The following DLGAP2 variants were observed in gnomAD, a reference collection of about 807,000 sequenced individuals.
DLGAP2 encodes the protein DLG associated protein 2.
Under a neutral mutation model 100.3 loss-of-function variants are expected in DLGAP2, and 26 were observed. The ratio of observed to expected loss-of-function variants is 0.26; its 90% CI spans 0.19 to 0.36. The LOEUF (loss-of-function observed/expected upper bound fraction) is 0.36, where lower values mean the gene tolerates loss of function less well. DLGAP2 is among the 10% of genes least tolerant of loss of function. The probability of loss-of-function intolerance (pLI) is 1.00; values close to 1 mark genes in which losing one functional copy is unlikely to be tolerated. For synonymous variants in DLGAP2, 886 were observed against 630.1 expected (o/e 1.41, Z -6.08); for missense variants, 1,858 against 1,453.2 (o/e 1.28, Z -4.53).
In DLGAP2 at chr8:808,126, A is replaced by G. The variant is rs572038361; in HGVS notation, c.18+70301A>G. On this transcript the variant is annotated intron_variant, in intron 1 of 14. Coordinates refer to ENST00000637795, the MANE Select transcript of DLGAP2 (RefSeq NM_001346810.2). ...ATGGCGGATGTGACACCTGCCTCAC[A>G]GGGTCGTCGGCACGTGGGTCTTCGG... Among the ~76,000 whole-genome samples, 39 of 152,316 alleles carry G rather than the reference A, an allele frequency of 2.6e-4. No individual in the cohort carries two copies. In the East Asian group the frequency reaches 7.4e-3, roughly 29 times the overall value.
At chr8:1,267,809 G>A (rs1799499232) in intron 3 of DLGAP2, among the ~76,000 whole-genome samples, 1 of 151,890 alleles carries the variant, frequency 6.6e-6, no homozygotes, top group Admixed American at 6.6e-5. Context: ...CCCACGCTGA[G>A]CTCAGTGCTG....
In DLGAP2 at chr8:1,372,172, C is replaced by T. The variant is rs181191075; in HGVS notation, c.106+113289C>T. Among the ~76,000 whole-genome samples the T allele has an allele frequency of 2.6e-3, 391 of 152,134 alleles. 2 individuals carry two copies. The highest frequency in any genetic ancestry group is 9.0e-3 in the African/African-American group (375 of 41,496). On this transcript the variant is annotated intron_variant, in intron 3 of 14. Coordinates refer to ENST00000637795, the MANE Select transcript of DLGAP2 (RefSeq NM_001346810.2). ...ATAGGGTGGGTGGGGCGCAGGTCAC[C>T]GTGGCGCCAACGCTGGGGCGCAGGT...
intron 3 of DLGAP2, among the ~76,000 whole-genome samples, chr8:1,366,623 G>A (rs1330541357): frequency 2.0e-5 from 3 of 152,124 alleles, no homozygotes; most frequent in Non-Finnish European, 2.9e-5. Flanking sequence ...AACAGAGCAG[G>A]GGACCCAATG....
chr8:798,149 C>T (rs1000747666), intron 1 of DLGAP2, among the ~76,000 whole-genome samples: 8 of 152,270 alleles, frequency 5.3e-5, no homozygotes, highest in African/African-American at 1.9e-4. Context: ...TGCAAAGGGG[C>T]TGGTTCTCTG....
At chr8:1,681,967 G>A (rs942434952) in intron 12 of DLGAP2, among the ~76,000 whole-genome samples, 7 of 140,714 alleles carry the variant, frequency 5.0e-5, no homozygotes, top group African/African-American at 1.9e-4. Flanking sequence ...ATCTGGGACT[G>A]GGAGTCACGG....
intron 2 of DLGAP2, among the ~76,000 whole-genome samples, chr8:1,094,613 G>A (rs142025351): frequency 2.0e-3 from 301 of 152,256 alleles, no homozygotes; most frequent in African/African-American, 6.9e-3. Context: ...TGAATTCCTC[G>A]GCTCATCACA....
intron 2 of DLGAP2, among the ~76,000 whole-genome samples, chr8:1,167,789 ACAAAGT>A (rs1206368416): frequency 6.6e-6 from 1 of 152,190 alleles, no homozygotes; most frequent in Non-Finnish European, 1.5e-5. Context: ...ACACTGAGGT[ACAAAGT>A]CAAGTATAAA....
chr8:1,356,574 G>GC (rs1026461203), intron 3 of DLGAP2, among the ~76,000 whole-genome samples: 11 of 152,100 alleles, frequency 7.2e-5, no homozygotes, highest in African/African-American at 2.7e-4. Context: ...TTACCCTGTG[G>GC]CCCCCCAGGC....
At chr8:938,240 A>G (rs1454399627) in intron 2 of DLGAP2, among the ~76,000 whole-genome samples, 1 of 152,066 alleles carries the variant, frequency 6.6e-6, no homozygotes, top group Non-Finnish European at 1.5e-5. Flanking sequence ...GCTGGAGTAT[A>G]ATGGTGACAG....
chr8:1,687,174 C>T (rs1366588928), intron 12 of DLGAP2, among the ~76,000 whole-genome samples: 2 of 152,118 alleles, frequency 1.3e-5, no homozygotes, highest in Admixed American at 6.6e-5. Context: ...TGATCATTTC[C>T]GACTCTCTGC....
At chr8:1,422,021 A>G (rs903391935) in intron 3 of DLGAP2, among the ~76,000 whole-genome samples, 5 of 152,118 alleles carry the variant, frequency 3.3e-5, no homozygotes, top group African/African-American at 4.8e-5. Context: ...GTTAGCAATC[A>G]TAATAGCTGA....
intron 1 of DLGAP2, among the ~76,000 whole-genome samples, chr8:847,731 T>C (rs1180200933): frequency 6.6e-6 from 1 of 152,164 alleles, no homozygotes; most frequent in African/African-American, 2.4e-5. Flanking sequence ...GGTCTCAAAG[T>C]CTTAGCCTCA....
intron 2 of DLGAP2, among the ~76,000 whole-genome samples, chr8:1,039,482 G>A (rs1364695193): frequency 2.8e-5 from 4 of 141,018 alleles, no homozygotes; most frequent in Admixed American, 2.1e-4. Context: ...CTCGGTTTCC[G>A]TGGTCGGCTC....
At chr8:1,469,378 C>A (rs760739844) in intron 3 of DLGAP2, among the ~76,000 whole-genome samples, 29 of 152,236 alleles carry the variant, frequency 1.9e-4, no homozygotes, top group Non-Finnish European at 3.4e-4. Flanking sequence ...TAGGAGCCGG[C>A]TGTTAATGCG....
chr8:1,166,053 C>G (rs1267852394), intron 2 of DLGAP2, among the ~76,000 whole-genome samples: 1 of 152,182 alleles, frequency 6.6e-6, no homozygotes, highest in Non-Finnish European at 1.5e-5. Context: ...CATGGGTGCT[C>G]TTTGCCCAAG....
intron 2 of DLGAP2, among the ~76,000 whole-genome samples, chr8:1,059,873 G>A (rs186578278): frequency 2.1e-4 from 32 of 152,258 alleles, no homozygotes; most frequent in Admixed American, 9.8e-4. Context: ...AGTCGGGGGC[G>A]GTCGCGATGC....
At chr8:1,153,880 C>T (rs1044904669) in intron 2 of DLGAP2, among the ~76,000 whole-genome samples, 2 of 152,184 alleles carry the variant, frequency 1.3e-5, no homozygotes, top group African/African-American at 4.8e-5. Context: ...ATATTACTGA[C>T]ATGAAAATCA....
chr8:1,313,121 T>TG (rs958816858), intron 3 of DLGAP2, among the ~76,000 whole-genome samples: 3 of 152,188 alleles, frequency 2.0e-5, no homozygotes, highest in Non-Finnish European at 4.4e-5. Context: ...GTTGCCCCTT[T>TG]GGGGGGTGAC....
At chr8:1,336,122 C>T (rs989488472) in intron 3 of DLGAP2, among the ~76,000 whole-genome samples, 2 of 152,254 alleles carry the variant, frequency 1.3e-5, no homozygotes, top group South Asian at 2.1e-4. Flanking sequence ...CACCCTGTTC[C>T]TCCCCACATT....
Sources: allele counts gnomAD v4.1 joint callset (sites outside exome capture counted in the v4.1 genomes callset), GRCh38; gene constraint gnomAD v4.1.1; transcripts MANE v1.5; gene names NCBI Gene and HGNC (gene_info 2026-07-23, HGNC 2026-07-21).